The following PHLDB1 variants were observed in gnomAD, a reference collection of about 807,000 sequenced individuals.
PHLDB1 encodes the protein pleckstrin homology-like domain family B member 1.
Under a neutral mutation model 139.3 loss-of-function variants are expected in PHLDB1, and 65 were observed. That is an observed-to-expected ratio of 0.47 (90% confidence interval 0.38 to 0.57). PHLDB1 has a LOEUF of 0.57. Ranked by LOEUF, PHLDB1 falls within the 20% of genes least tolerant of loss-of-function variation. The probability of loss-of-function intolerance (pLI) is 0.00; values close to 1 mark genes in which losing one functional copy is unlikely to be tolerated. For synonymous variants in PHLDB1, 679 were observed against 734.5 expected, an observed-to-expected ratio of 0.92 and a Z score of 1.22; for missense variants, 1,624 against 1,839.7, an observed-to-expected ratio of 0.88 and a Z score of 2.14.
chr11:118,635,467 C>G lies in PHLDB1; in HGVS notation c.2454C>G (p.Arg818=), dbSNP rs1555114692. 1.9e-6 allele frequency: 3 copies of G among 1,612,196 alleles called. No individual in the cohort carries two copies. The highest frequency in any genetic ancestry group is 2.5e-6 in the Non-Finnish European group (3 of 1,179,322). Residue 818 remains arginine, a synonymous_variant, in exon 10 of 23, where the codon CGC becomes CGG. Transcript: ENST00000600882. The part of the protein sequence containing the change: ...LEFQQLERES[R]VEEERELAGQ... Reference sequence around the variant, plus strand: ...TCCAGCAGTTGGAGCGGGAGAGCCGCGTGGAGGAGGAGCGCGAGCTGGCCG... The same window carrying G: ...TCCAGCAGTTGGAGCGGGAGAGCCGGGTGGAGGAGGAGCGCGAGCTGGCCG...
At chr11:118,641,142 A>G (rs1026297482) in intron 12 of PHLDB1, 3 of 153,008 alleles carry the variant, frequency 2.0e-5, no homozygotes, top group African/African-American at 7.2e-5. Context: ...ACCCTGGCAG[A>G]AGTTTTCCAG....
intron 15 of PHLDB1, chr11:118,644,745 C>T: frequency 8.4e-7 from 1 of 1,190,360 alleles, no homozygotes; most frequent in South Asian, 1.3e-5. Flanking sequence ...CCTGCCCTGG[C>T]ATCAGCATGA....
rs1555104419 is a variant in PHLDB1 at position 118,627,878 on chromosome 11, T to G, written c.1055T>G (p.Leu352Arg). 23 of 1,610,048 alleles carry G rather than the reference T, an allele frequency of 1.4e-5. No homozygotes were observed. Among genetic ancestry groups the G allele is most frequent in the Non-Finnish European group, 1.9e-5 (23 of 1,179,934 alleles). ...EARRATESPR[L>R]GGQLPVVAIS... ...CGGAGAGCCACTGAGAGCCCCCGGC[T>G]GGGTGGGCAGCTGCCTGTGGTGGCC... is the stretch of plus-strand genomic sequence containing the variant. The change falls in exon 6 of 23, where the codon CTG becomes CGG. Residue 352 changes from leucine (L) to arginine (R), a missense_variant. Leu to Arg is a moderately radical substitution (Grantham distance 102). Coordinates refer to ENST00000600882, the MANE Select transcript of PHLDB1 (RefSeq NM_001144758.3).
intron 12 of PHLDB1, chr11:118,639,830 T>A (rs1555118796): frequency 1.0e-6 from 1 of 982,640 alleles, no homozygotes; most frequent in African/African-American, 1.8e-5. Context: ...GTGTGAGGGA[T>A]GCAGCCCCTC....
intron 12 of PHLDB1, chr11:118,640,039 A>G (rs782692027): frequency 1.6e-4 from 160 of 978,670 alleles, no homozygotes; most frequent in Non-Finnish European, 1.9e-4. Flanking sequence ...TGCTTTGCCC[A>G]CTGCCTGTCT....
chr11:118,630,013 C>T (rs1023188823), intron 6 of PHLDB1: 42 of 1,283,994 alleles, frequency 3.3e-5, no homozygotes, highest in Admixed American at 4.7e-5. Flanking sequence ...TCCCAGGTGC[C>T]GAGGCTCTGT....
intron 12 of PHLDB1, chr11:118,642,050 C>G: frequency 4.7e-6 from 3 of 634,638 alleles, no homozygotes; most frequent in Non-Finnish European, 5.6e-6. Context: ...TTGATGCTCT[C>G]CTTTCTCCCT....
chr11:118,635,091 A>C, intron 9 of PHLDB1: 56 of 486,358 alleles, frequency 1.2e-4, no homozygotes, highest in East Asian at 1.4e-4. Flanking sequence ...CCCGCGGGCC[A>C]CGCCCCAGAA....
chr11:118,623,153 T>C (rs1943149323), intron 4 of PHLDB1, among the ~76,000 whole-genome samples: 1 of 152,222 alleles, frequency 6.6e-6, no homozygotes, highest in Non-Finnish European at 1.5e-5. Context: ...CGTCCAGGAA[T>C]GTAGACTTCT....
chr11:118,614,289 C>G (rs1555086637), intron 2 of PHLDB1, among the ~76,000 whole-genome samples: 1 of 132,418 alleles, frequency 7.6e-6, no homozygotes, highest in Non-Finnish European at 1.6e-5. Context: ...CACCCCCCAC[C>G]CCTTTCTCCT....
rs1948244355 is a variant in PHLDB1, at chr11:118,650,863, A to T, written c.3874+316A>T. The T allele has an allele frequency of 2.7e-6, 1 of 375,114 alleles. No homozygotes were observed. Among genetic ancestry groups the T allele is most frequent in the South Asian group, 2.9e-5 (1 of 35,052 alleles). The allele number at this position is 375,114 out of a possible 1,614,324, so 23.2% of individuals were successfully genotyped here. A position where few individuals can be genotyped will look rare whatever the true frequency, so the allele number is the denominator to read the frequency against. On this transcript the variant is annotated intron_variant, in intron 20 of 22. Transcript: ENST00000600882. This position sits in a 1 kb window ranked among gnomAD's most constrained non-coding sequence, Gnocchi z 4.7. ...ATAATCAGGGAAGCAGACAAGAGTG[A>T]TAACCACGCACAATGGGTATGCTGA...
intron 6 of PHLDB1, among the ~76,000 whole-genome samples, chr11:118,629,118 T>C (rs1362025111): frequency 1.3e-5 from 2 of 152,350 alleles, no homozygotes; most frequent in East Asian, 1.9e-4. Context: ...TCTGACTCTT[T>C]CTGAGACTTG....
chr11:118,611,822 A>ATAATAAT lies in PHLDB1; in HGVS notation c.-21-1994_-21-1993insTAATAAT, dbSNP rs59524057. 6.7e-6 allele frequency among the ~76,000 whole-genome samples: 1 copy of ATAATAAT among 148,856 alleles called. No homozygotes were observed. The highest frequency in any genetic ancestry group is 1.5e-5 in the Non-Finnish European group (1 of 67,310). On this transcript the variant is annotated intron_variant, in intron 1 of 22. Coordinates refer to ENST00000600882, the MANE Select transcript of PHLDB1 (RefSeq NM_001144758.3). The surrounding 1 kb of genome is among the most constrained non-coding windows in gnomAD (Gnocchi z 4.7). Reference sequence around the variant, plus strand: ...AACAAGAGTGAAACTCCGTCTCAAAAAAAAAAAAAAAATAATAATAATAAT... The same window carrying ATAATAAT: ...AACAAGAGTGAAACTCCGTCTCAAAATAATAATAAAAAAAAAAAATAATAATAATAAT...
rs3222268 is a variant in PHLDB1, at chr11:118,623,874, T to TTG, written c.356-1017_356-1016dup. Among the ~76,000 whole-genome samples the TTG allele has an allele frequency of 4.2e-3, 598 of 141,278 alleles. 5 individuals are homozygous for TTG. The highest frequency in any genetic ancestry group is 4.3e-3 in the Non-Finnish European group (279 of 65,390). 92.7% of individuals were successfully genotyped at this position (141,278 alleles called of 152,430 possible). ...AGGTGTGTCTGTGTTCTCTGAACAT[T>TTG]TGTGTGTGTGTGTGTGTGTGTGTGT... is the stretch of plus-strand genomic sequence containing the variant. On this transcript the variant is annotated intron_variant, in intron 4 of 22. Coordinates refer to ENST00000600882, the MANE Select transcript of PHLDB1 (RefSeq NM_001144758.3).
rs67219463 is a variant in PHLDB1 at position 118,632,991 on chromosome 11, CT to C, written c.2379+710del. ...TGAGAATCTTAAAAATTCTTTGACC[CT>C]TTTTTTTTTTTTTTGGAGCTTTGGC... is the stretch of plus-strand genomic sequence containing the variant. On this transcript the variant is annotated intron_variant, in intron 9 of 22. Coordinates refer to ENST00000600882, the MANE Select transcript of PHLDB1 (RefSeq NM_001144758.3). The surrounding 1 kb of genome is among the most constrained non-coding windows in gnomAD (Gnocchi z 5.9). 78,987 of 178,624 alleles carry C rather than the reference CT, an allele frequency of 0.44. 14,453 individuals are homozygous for C. The highest frequency in any genetic ancestry group is 0.62 in the East Asian group (2,985 of 4,848). The allele number at this position is 178,624 out of a possible 1,614,324, so 11.1% of individuals were successfully genotyped here.
In PHLDB1 at chr11:118,642,004, G is replaced by A. The variant is rs553974506; in HGVS notation, c.2737-250G>A. The A allele has an allele frequency of 3.6e-5, 22 of 609,438 alleles. No individual in the cohort carries two copies. The African/African-American group carries it at 3.7e-4, about 10-fold the overall frequency. The allele number at this position is 609,438 out of a possible 1,614,324, so 37.8% of individuals were successfully genotyped here. ...TTCTCTTTGCCCTTAGTACATTCAG[G>A]GCAACTGTTGTCTCACTGTTTTTCT... On this transcript the variant is annotated intron_variant, in intron 12 of 22. Coordinates refer to ENST00000600882, the MANE Select transcript of PHLDB1 (RefSeq NM_001144758.3).
chr11:118,629,270 T>C (rs1187590199), intron 6 of PHLDB1, among the ~76,000 whole-genome samples: 5 of 152,376 alleles, frequency 3.3e-5, no homozygotes, highest in South Asian at 2.1e-4. Context: ...TAGGCAACCC[T>C]GGCCTGACCG....
rs1261070146 is a variant in PHLDB1, at chr11:118,610,975, G to T, written c.-21-2841G>T. On this transcript the variant is annotated intron_variant, in intron 1 of 22. Coordinates refer to ENST00000600882, the MANE Select transcript of PHLDB1 (RefSeq NM_001144758.3). The surrounding 1 kb of genome is among the most constrained non-coding windows in gnomAD (Gnocchi z 8.7). ...CCCAGCGTGCGGGAGGGCACCCAGG[G>T]CCGGACGCGCACCGCAGGGGTCTTT... Among the ~76,000 whole-genome samples, 1 of 152,192 alleles carries T rather than the reference G, an allele frequency of 6.6e-6. No homozygotes were observed. The highest frequency in any genetic ancestry group is 2.4e-5 in the African/African-American group (1 of 41,458).
chr11:118,643,908 G>A lies in PHLDB1; in HGVS notation c.2986G>A (p.Val996Met), dbSNP rs782253532. The A allele has an allele frequency of 8.1e-6, 13 of 1,608,218 alleles. No homozygotes were observed. Among genetic ancestry groups the A allele is most frequent in the Middle Eastern group, 1.7e-4 (1 of 6,040 alleles). ...TTCCTCCTCCTCCTCCCAGCTCAGC[G>A]TGGCTACCCTGGGGCGTAGCCCCTC... ...GSSSSSSQLS[V>M]ATLGRSPSPK... Residue 996 changes from valine (V) to methionine (M), a missense_variant, in exon 14 of 23, where the codon GTG becomes ATG. Physicochemically the swap from Val to Met is conservative, Grantham distance 21 (BLOSUM62 1). Coordinates refer to ENST00000600882, the MANE Select transcript of PHLDB1 (RefSeq NM_001144758.3).
Sources: gnomAD v4.1 joint callset for allele counts (sites outside exome capture counted in the v4.1 genomes callset) on GRCh38, gnomAD v4.1.1 for gene constraint, Gnocchi (gnomAD v3.1) non-coding constraint, MANE v1.5 for transcripts, NCBI Gene and HGNC (gene_info 2026-07-23, HGNC 2026-07-21) for gene names.